CPQ: variants seen among roughly 807,000 people sequenced by gnomAD.
The protein encoded by CPQ is Ser-Met dipeptidase.
A neutral mutation model predicts 45.7 loss-of-function variants in CPQ; 37 were observed. That is an observed-to-expected ratio of 0.81 (90% CI 0.62 to 1.07). The LOEUF (loss-of-function observed/expected upper bound fraction) is 1.07. Among genes scored for constraint, CPQ ranks in the 50% least tolerant of loss-of-function variants. The pLI, the probability that CPQ is intolerant of heterozygous loss-of-function variation, is 0.00. For missense variants in CPQ, 537 were observed against 572.9 expected (o/e 0.94, Z 0.64); for synonymous variants, 186 against 205.8 (o/e 0.90, Z 0.82).
At chr8:96,755,442 A>G (rs1011809543) in intron 1 of CPQ, among the ~76,000 whole-genome samples, 2 of 151,880 alleles carry the variant, frequency 1.3e-5, no homozygotes, top group Non-Finnish European at 2.9e-5. Context: ...ACTTGATACA[A>G]TAATTAGGAG....
intron 4 of CPQ, among the ~76,000 whole-genome samples, chr8:96,882,218 C>A (rs1812233919): frequency 6.6e-6 from 1 of 152,228 alleles, no homozygotes; most frequent in East Asian, 1.9e-4. Context: ...TCAACCATGG[C>A]TTTTGCCACA....
chr8:96,759,656 T>A (rs1810373658), intron 1 of CPQ, among the ~76,000 whole-genome samples: 1 of 152,140 alleles, frequency 6.6e-6, no homozygotes, highest in Non-Finnish European at 1.5e-5. Context: ...CTCTTAACAT[T>A]TTTGTTTTAT....
At chr8:96,948,494 G>C (rs1377269968) in intron 4 of CPQ, among the ~76,000 whole-genome samples, 4 of 151,886 alleles carry the variant, frequency 2.6e-5, no homozygotes, top group African/African-American at 9.7e-5. Flanking sequence ...TTCCATTGTG[G>C]TCAGAAAAAA....
chr8:97,084,832 G>GTGTA (rs1554588571), intron 7 of CPQ, among the ~76,000 whole-genome samples: 2 of 151,574 alleles, frequency 1.3e-5, no homozygotes, highest in Admixed American at 1.3e-4. Flanking sequence ...GTGTGTGTGT[G>GTGTA]TGTGTCTCTC....
At chr8:97,112,688 C>G (rs918443170) in intron 7 of CPQ, among the ~76,000 whole-genome samples, 2 of 152,216 alleles carry the variant, frequency 1.3e-5, no homozygotes, top group African/African-American at 4.8e-5. Flanking sequence ...AAAGGCCGTG[C>G]TGCAGCAGCA....
intron 1 of CPQ, among the ~76,000 whole-genome samples, chr8:96,661,786 C>A (rs1203671488): frequency 6.6e-6 from 1 of 152,172 alleles, no homozygotes; most frequent in Non-Finnish European, 1.5e-5. Context: ...TGTTTTCAAT[C>A]CTTTTGGGAA....
intron 2 of CPQ, among the ~76,000 whole-genome samples, chr8:96,794,448 A>C (rs918713570): frequency 1.3e-5 from 2 of 152,202 alleles, no homozygotes; most frequent in African/African-American, 4.8e-5. Context: ...TCCTGGGCCC[A>C]GCCCATGAAA....
chr8:96,675,405 T>A (rs1303772447), intron 1 of CPQ, among the ~76,000 whole-genome samples: 1 of 152,124 alleles, frequency 6.6e-6, no homozygotes, highest in African/African-American at 2.4e-5. Flanking sequence ...TCTTTTTAAT[T>A]AGCTTCATGT....
Position 96,773,068 on chromosome 8 carries a change from C to CCTTT in CPQ, c.-34-11795_-34-11792dup, listed in dbSNP as rs1219757817. 3.9e-5 allele frequency among the ~76,000 whole-genome samples: 6 copies of CCTTT among 152,118 alleles called. No homozygotes were observed. The East Asian group carries it at 9.6e-4, about 24-fold the overall frequency. On this transcript the variant is annotated intron_variant, in intron 1 of 7. Coordinates refer to ENST00000220763, the MANE Select transcript of CPQ (RefSeq NM_016134.4). ...GACCAGGTCCCAGGTCTGTTTACTC[C>CCTTT]CTTTATAAAAGAAAATTCTGGATAG...
chr8:97,109,487 C>T (rs1811464689), intron 7 of CPQ, among the ~76,000 whole-genome samples: 1 of 152,092 alleles, frequency 6.6e-6, no homozygotes, highest in Non-Finnish European at 1.5e-5. Context: ...CAGCTTTACC[C>T]AGCCCTCCAT....
At chr8:97,142,008 C>G (rs1242029910) in intron 7 of CPQ, among the ~76,000 whole-genome samples, 2 of 152,148 alleles carry the variant, frequency 1.3e-5, no homozygotes, top group Admixed American at 6.5e-5. Context: ...AGAGGCAAGA[C>G]AGGCTAGTGG....
At chr8:96,834,300 A>T (rs895494209) in intron 2 of CPQ, among the ~76,000 whole-genome samples, 1 of 152,226 alleles carries the variant, frequency 6.6e-6, no homozygotes, top group Non-Finnish European at 1.5e-5. Flanking sequence ...AACATCTTCA[A>T]AGTTTTTATT....
chr8:96,695,387 C>T (rs1163473528), intron 1 of CPQ, among the ~76,000 whole-genome samples: 1 of 145,750 alleles, frequency 6.9e-6, no homozygotes, highest in Non-Finnish European at 1.5e-5. Context: ...TGGGCAAGGA[C>T]TTCATGTCTA....
chr8:96,858,126 A>T (rs938947924), intron 3 of CPQ, among the ~76,000 whole-genome samples: 7 of 152,110 alleles, frequency 4.6e-5, no homozygotes, highest in Middle Eastern at 3.2e-3. Context: ...TGTGGAGAAG[A>T]TGTGTATATG....
intron 3 of CPQ, among the ~76,000 whole-genome samples, chr8:96,853,296 A>T (rs72664504): frequency 6.6e-6 from 1 of 152,208 alleles, no homozygotes; most frequent in Non-Finnish European, 1.5e-5. Flanking sequence ...GGGCGCTGTG[A>T]CAGGCTCTAA....
chr8:96,741,150 G>T (rs1338208118), intron 1 of CPQ, among the ~76,000 whole-genome samples: 1 of 152,140 alleles, frequency 6.6e-6, no homozygotes, highest in African/African-American at 2.4e-5. Flanking sequence ...CACAATTTCA[G>T]CTCCTGTTAT....
intron 4 of CPQ, among the ~76,000 whole-genome samples, chr8:96,956,453 T>C (rs1284833299): frequency 3.9e-5 from 6 of 152,228 alleles, no homozygotes; most frequent in Admixed American, 6.5e-5. Flanking sequence ...GGCCCTTGAT[T>C]CTTAGGAAAC....
chr8:96,728,396 C>G (rs1311206684), intron 1 of CPQ, among the ~76,000 whole-genome samples: 2 of 151,904 alleles, frequency 1.3e-5, no homozygotes, highest in African/African-American at 4.8e-5. Context: ...TCAGGTGGCC[C>G]TGACTTCACT....
At chr8:97,017,997 G>A (rs1809612420) in intron 5 of CPQ, among the ~76,000 whole-genome samples, 1 of 152,102 alleles carries the variant, frequency 6.6e-6, no homozygotes, top group Non-Finnish European at 1.5e-5. Flanking sequence ...TCACCTCCTT[G>A]CCGCCTCCAC....
Sources: allele counts gnomAD v4.1 joint callset (sites outside exome capture counted in the v4.1 genomes callset), GRCh38; gene constraint gnomAD v4.1.1; transcripts MANE v1.5; gene names NCBI Gene and HGNC (gene_info 2026-07-23, HGNC 2026-07-21).